EPC2: variants seen among roughly 807,000 people sequenced by gnomAD.
EPC2 encodes the protein enhancer of polycomb 2.
In EPC2, 14 loss-of-function variants were observed where a neutral mutation model predicts 92.1. The observed-to-expected ratio is 0.15, with a 90% confidence interval of 0.10 to 0.24. EPC2 has a LOEUF of 0.24. Among genes scored for constraint, EPC2 ranks in the 10% least tolerant of loss-of-function variants. EPC2 has a pLI of 1.00. For synonymous variants in EPC2, 340 were observed against 334.7 expected (o/e 1.02, Z -0.17); for missense variants, 755 against 971.5 (o/e 0.78, Z 2.96).
intron 2 of EPC2, among the ~76,000 whole-genome samples, chr2:148,690,845 T>C (rs1249063858): frequency 1.3e-5 from 2 of 152,138 alleles, no homozygotes; most frequent in Admixed American, 6.5e-5. Flanking sequence ...GTATTTTTAG[T>C]AGAGATGGGA....
intron 1 of EPC2, among the ~76,000 whole-genome samples, chr2:148,673,600 T>C (rs1457983577): frequency 6.6e-6 from 1 of 152,226 alleles, no homozygotes; most frequent in Admixed American, 6.5e-5. Flanking sequence ...TATTTATTTA[T>C]TGAGACAGAG....
intron 13 of EPC2, 87 bp downstream of exon 13, chr2:148,785,088 A>G (rs1683839086): frequency 1.7e-5 from 18 of 1,088,300 alleles, no homozygotes; most frequent in Non-Finnish European, 2.3e-5. Flanking sequence ...CTGCTCAAGC[A>G]ATAGGTGTTT....
intron 2 of EPC2, among the ~76,000 whole-genome samples, chr2:148,699,876 A>G (rs910746525): frequency 1.3e-5 from 2 of 152,186 alleles, no homozygotes; most frequent in African/African-American, 4.8e-5. Flanking sequence ...ATTGCCCCGC[A>G]TCCTTATCAT....
At chr2:148,756,978 C>T (rs1271074309) in intron 4 of EPC2, among the ~76,000 whole-genome samples, 2 of 152,236 alleles carry the variant, frequency 1.3e-5, no homozygotes, top group South Asian at 2.1e-4. Context: ...TGAGCAGAGA[C>T]GGTTGTGAGA....
Position 148,743,721 on chromosome 2 carries a change from A to G in EPC2, c.413A>G (p.Gln138Arg). ...LNRKMEIKPLQFEIMIDRLEK... is the reference protein window; with the variant it reads ...LNRKMEIKPLRFEIMIDRLEK... ...AGAAAGATGGAAATTAAGCCTTTGC[A>G]ATTTGAAATTATGATTGACAGACTT... Residue 138 changes from glutamine (Q) to arginine (R), a missense_variant, in exon 3 of 14, where the codon CAA becomes CGA. Gln to Arg is a conservative substitution (Grantham distance 43, BLOSUM62 1). Coordinates refer to ENST00000258484, the MANE Select transcript of EPC2 (RefSeq NM_015630.4). 6.2e-7 allele frequency: 1 copy of G among 1,605,110 alleles called. No individual in the cohort carries two copies. The highest frequency in any genetic ancestry group is 8.5e-7 in the Non-Finnish European group (1 of 1,176,414).
chr2:148,770,164 C>T (rs1297706463), intron 8 of EPC2, among the ~76,000 whole-genome samples: 2 of 152,172 alleles, frequency 1.3e-5, no homozygotes, highest in South Asian at 2.1e-4. Flanking sequence ...CCGCCCACCT[C>T]AGCCTCCTGG....
chr2:148,748,672 A>T (rs1450791733), intron 3 of EPC2, among the ~76,000 whole-genome samples: 1 of 152,162 alleles, frequency 6.6e-6, no homozygotes, highest in Non-Finnish European at 1.5e-5. Flanking sequence ...TATATACTTT[A>T]TACACACAGT....
At position 148,710,397 on chromosome 2, in the gene EPC2, G is replaced by T. The variant is rs199619341; in HGVS notation, c.313+20024G>T. ...GAAATAGGAACACTTTTACACTGTT[G>T]GTGGGATTGTAAACTAGTTCAACCA... On this transcript the variant is annotated intron_variant, in intron 2 of 13. Transcript: ENST00000258484. Among the ~76,000 whole-genome samples the T allele has an allele frequency of 6.5e-3, 990 of 152,308 alleles. 54 individuals carry two copies. The highest frequency in any genetic ancestry group is 0.055 in the Admixed American group (835 of 15,292).
chr2:148,712,929 G>T (rs867666476), intron 2 of EPC2, among the ~76,000 whole-genome samples: 51 of 151,490 alleles, frequency 3.4e-4, no homozygotes, highest in African/African-American at 1.2e-3. Context: ...TGCCATGGTG[G>T]CTCACACCGG....
Position 148,785,004 on chromosome 2 carries a change from G to A in EPC2, c.2351+3G>A. The A allele has an allele frequency of 1.3e-6, 2 of 1,489,304 alleles. No homozygotes were observed. The highest frequency in any genetic ancestry group is 1.8e-6 in the Non-Finnish European group (2 of 1,119,460). The allele number at this position is 1,489,304 out of a possible 1,614,324, so 92.3% of individuals were successfully genotyped here. ...AGTGCCATCAGCAGCATAGCAAGGT[G>A]TGTGTGTGTGTTTCAGTGATTTTTC... On this transcript the variant is annotated splice_donor_region_variant and intron_variant, in intron 13 of 13. Coordinates refer to ENST00000258484, the MANE Select transcript of EPC2 (RefSeq NM_015630.4).
intron 2 of EPC2, among the ~76,000 whole-genome samples, chr2:148,721,092 A>G (rs1443674061): frequency 1.3e-5 from 2 of 152,154 alleles, no homozygotes; most frequent in Non-Finnish European, 2.9e-5. Context: ...GTAAGAAAAT[A>G]AAAGTTTTTA....
rs138106753 is a variant in EPC2 at position 148,751,799 on chromosome 2, C to G, written c.460-2128C>G. Among the ~76,000 whole-genome samples the G allele has an allele frequency of 2.6e-5, 4 of 152,236 alleles. No homozygotes were observed. In the East Asian group the frequency reaches 5.8e-4, roughly 22 times the overall value. On this transcript the variant is annotated intron_variant, in intron 3 of 13. Coordinates refer to ENST00000258484, the MANE Select transcript of EPC2 (RefSeq NM_015630.4). ...TACCCACAATAGAGATACAGTGATA[C>G]TAGTTGCCTCAGAGTAGCTAAAGAT...
At chr2:148,667,449 G>C (rs999296447) in intron 1 of EPC2, among the ~76,000 whole-genome samples, 1 of 152,146 alleles carries the variant, frequency 6.6e-6, no homozygotes, top group African/African-American at 2.4e-5. Context: ...TAGAATTACA[G>C]TAGATTTTTT....
intron 13 of EPC2, 144 bp from the exon 14 acceptor site, chr2:148,786,161 C>T (rs1261136673): frequency 3.2e-6 from 2 of 623,156 alleles, no homozygotes; most frequent in African/African-American, 3.8e-5. Flanking sequence ...TCATTCCTAT[C>T]TAGAAATGGC....
chr2:148,700,997 G>A (rs548388132), intron 2 of EPC2, among the ~76,000 whole-genome samples: 2 of 152,164 alleles, frequency 1.3e-5, no homozygotes, highest in South Asian at 4.1e-4. Context: ...TTGTTAGATT[G>A]ATACTTAAGT....
chr2:148,745,080 T>C (rs1682958388), intron 3 of EPC2, among the ~76,000 whole-genome samples: 1 of 148,962 alleles, frequency 6.7e-6, no homozygotes, highest in Non-Finnish European at 1.5e-5. Context: ...GTAAAATTCA[T>C]GTTACTGGTT....
chr2:148,715,548 AT>A (rs529065539), intron 2 of EPC2, among the ~76,000 whole-genome samples: 160 of 151,898 alleles, frequency 1.1e-3, no homozygotes, highest in African/African-American at 3.7e-3. Flanking sequence ...ATGTGATCTT[AT>A]TTCTGGGTTC....
At chr2:148,738,903 T>C (rs1385086756) in intron 2 of EPC2, among the ~76,000 whole-genome samples, 1 of 152,210 alleles carries the variant, frequency 6.6e-6, no homozygotes, top group Non-Finnish European at 1.5e-5. Flanking sequence ...TAGACAAACA[T>C]ACTCTAATGC....
chr2:148,782,720 T>C (rs1196084897), intron 11 of EPC2, among the ~76,000 whole-genome samples: 2 of 150,566 alleles, frequency 1.3e-5, no homozygotes, highest in Non-Finnish European at 2.9e-5. Context: ...CCCATAAGCT[T>C]CATTGTGGAC....
Sources: allele counts gnomAD v4.1 joint callset (sites outside exome capture counted in the v4.1 genomes callset), GRCh38; gene constraint gnomAD v4.1.1; transcripts MANE v1.5; gene names NCBI Gene and HGNC (gene_info 2026-07-23, HGNC 2026-07-21).